Variants in ZFYVE27 observed in about 807,000 individuals in gnomAD.
The protein encoded by ZFYVE27 is protrudin.
ZFYVE27 carries 36 observed loss-of-function variants against 52.8 expected under a neutral mutation model. That is an observed-to-expected ratio of 0.68 (90% CI 0.52 to 0.90). The LOEUF is 0.90. Ranked by LOEUF, ZFYVE27 falls within the 40% of genes least tolerant of loss-of-function variation. The pLI is 0.00. For missense variants in ZFYVE27, 450 were observed against 527.2 expected, an observed-to-expected ratio of 0.85 and a Z score of 1.43; for synonymous variants, 223 against 215.6, an observed-to-expected ratio of 1.03 and a Z score of -0.30.
intron 2 of ZFYVE27, among the ~76,000 whole-genome samples, chr10:97,742,057 G>C (rs2043814485): frequency 1.3e-5 from 2 of 151,660 alleles, no homozygotes; most frequent in African/African-American, 4.9e-5. Flanking sequence ...TTGAACCCAG[G>C]AGGCGGGGGT....
At position 97,757,266 on chromosome 10, in the gene ZFYVE27, G is replaced by A. The variant is rs767356248; in HGVS notation, c.1044G>A (p.Gly348=). The change falls in exon 11 of 13, where the codon GGG becomes GGA. Residue 348 remains glycine, a splice_region_variant and synonymous_variant. Transcript: ENST00000684270. ...TGAGCTGCTGCCTCTGTTTCTCAGG[G>A]AACTGCACGGGCTGCTCGGCCACCT... ...LRKRYPTNNF[G]NCTGCSATFS... The A allele has an allele frequency of 1.9e-6, 3 of 1,614,158 alleles. No homozygotes were observed. The highest frequency in any genetic ancestry group is 2.5e-6 in the Non-Finnish European group (3 of 1,180,008).
At chr10:97,751,328 T>G (rs754337387) in intron 7 of ZFYVE27, 63 bp from the exon 8 acceptor site, 4 of 1,576,856 alleles carry the variant, frequency 2.5e-6, no homozygotes, top group Non-Finnish European at 3.5e-6. Flanking sequence ...GGGGAGGTGG[T>G]CCTCTGCCTT....
intron 10 of ZFYVE27, among the ~76,000 whole-genome samples, chr10:97,754,094 G>A (rs1452309135): frequency 6.6e-6 from 1 of 152,154 alleles, no homozygotes; most frequent in Non-Finnish European, 1.5e-5. Flanking sequence ...TGGGAGCAGG[G>A]TAAGGGGGCA....
In ZFYVE27 at chr10:97,750,329, A is replaced by G. The variant is rs1179210676; in HGVS notation, c.665-2A>G. ...CTACCTTGTTCTCCATTCCCTGGGT[A>G]GTTGTGTCTGAGTACAGGGCATCTC... On this transcript the variant is annotated splice_acceptor_variant, in intron 6 of 12. Coordinates refer to ENST00000684270, the MANE Select transcript of ZFYVE27 (RefSeq NM_001385875.1). LOFTEE classifies it high-confidence loss of function. 3 of 1,613,844 alleles carry G rather than the reference A, an allele frequency of 1.9e-6. No individual in the cohort carries two copies. The highest frequency in any genetic ancestry group is 2.5e-6 in the Non-Finnish European group (3 of 1,180,002).
chr10:97,748,319 C>T lies in ZFYVE27; in HGVS notation c.506C>T (p.Ala169Val). 6.2e-7 allele frequency: 1 copy of T among 1,614,120 alleles called. No homozygotes were observed. The highest frequency in any genetic ancestry group is 1.1e-5 in the South Asian group (1 of 91,084). The change falls in exon 5 of 13, where the codon GCC becomes GTC. Residue 169 changes from alanine to valine, a missense_variant. Ala to Val is a moderately conservative substitution (Grantham distance 64). Coordinates refer to ENST00000684270, the MANE Select transcript of ZFYVE27 (RefSeq NM_001385875.1). ...AGCCGCCTGTGCTGCACATGTGAAG[C>T]CGCCTACCGCGTGCTGCACTGGGAG... ...FLSRLCCTCE[A>V]AYRVLHWENP...
At chr10:97,744,697 C>T in intron 3 of ZFYVE27, 32 bp from the exon 4 acceptor site, 2 of 1,611,706 alleles carry the variant, frequency 1.2e-6, no homozygotes, top group Non-Finnish European at 1.7e-6. Context: ...CTTTGCTTAC[C>T]TGTGTTACCT....
At chr10:97,750,612 A>C in intron 7 of ZFYVE27, 142 bp downstream of exon 7, 1 of 1,122,270 alleles carries the variant, frequency 8.9e-7, no homozygotes. Context: ...GTTCAATAAT[A>C]ATAATTGTAA....
intron 7 of ZFYVE27, 51 bp downstream of exon 7, chr10:97,750,521 C>G (rs773930733): frequency 6.2e-7 from 1 of 1,609,878 alleles, no homozygotes; most frequent in South Asian, 1.1e-5. Context: ...GTGGGCCCCC[C>G]TGTTATCAGC....
intron 4 of ZFYVE27, among the ~76,000 whole-genome samples, chr10:97,745,673 G>A (rs2045103713): frequency 6.6e-6 from 1 of 152,200 alleles, no homozygotes; most frequent in African/African-American, 2.4e-5. Context: ...AGGTGGTTGT[G>A]AAGATTGAAC....
chr10:97,758,986 G>A (rs144294059), intron 12 of ZFYVE27, among the ~76,000 whole-genome samples: 3 of 152,122 alleles, frequency 2.0e-5, no homozygotes, highest in Non-Finnish European at 4.4e-5. Flanking sequence ...ATTTTTGAAG[G>A]TGTTCTGTTG....
chr10:97,744,889 C>A lies in ZFYVE27; in HGVS notation c.429C>A (p.Pro143=). ...TGCAGAGAGGTCGCCTGTCTCGTCC[C>A]GAGGCCGTGGCTGAGGTGAAGAGCT... ...EDLQRGRLSR[P]EAVAEVKSFL... The change falls in exon 4 of 13, where the codon CCC becomes CCA. Residue 143 remains proline (P), a synonymous_variant. Coordinates refer to ENST00000684270, the MANE Select transcript of ZFYVE27 (RefSeq NM_001385875.1). The A allele has an allele frequency of 6.3e-7, 1 of 1,596,148 alleles. No individual in the cohort carries two copies. The highest frequency in any genetic ancestry group is 2.3e-5 in the East Asian group (1 of 44,434).
At chr10:97,749,271 C>G (rs1016667442) in intron 5 of ZFYVE27, among the ~76,000 whole-genome samples, 2 of 152,220 alleles carry the variant, frequency 1.3e-5, no homozygotes, top group African/African-American at 4.8e-5. Context: ...TTTGGCCTCA[C>G]CAGCATCAGG....
Position 97,738,516 on chromosome 10 carries a change from G to A in ZFYVE27, c.39G>A (p.Leu13=), listed in dbSNP as rs756846519. The A allele has an allele frequency of 6.2e-7, 1 of 1,614,202 alleles. No homozygotes were observed. Among genetic ancestry groups the A allele is most frequent in the South Asian group, 1.1e-5 (1 of 91,084 alleles). The change falls in exon 2 of 13, where the codon CTG becomes CTA. Residue 13 remains leucine (L), a synonymous_variant. Coordinates refer to ENST00000684270, the MANE Select transcript of ZFYVE27 (RefSeq NM_001385875.1). The stretch of plus-strand genomic sequence containing the variant: ...AACGTGAGGGGAGTGGGCCGGAGCT[G>A]AGCCCCAGCGTGATGCCCGAGGCTC... ...TSEREGSGPE[L]SPSVMPEAPL... is the part of the protein sequence containing the mutation.
intron 2 of ZFYVE27, among the ~76,000 whole-genome samples, chr10:97,741,176 A>G (rs1401937799): frequency 1.3e-5 from 2 of 152,220 alleles, no homozygotes; most frequent in East Asian, 3.9e-4. Context: ...AGTGTACATT[A>G]GTTCAACCAT....
intron 10 of ZFYVE27, chr10:97,754,665 T>A (rs999630981): frequency 7.8e-7 from 1 of 1,288,934 alleles, no homozygotes; most frequent in African/African-American, 1.5e-5. Context: ...ATTCTGTATG[T>A]TCAGTGATCT....
At chr10:97,739,870 T>A (rs954476163) in intron 2 of ZFYVE27, among the ~76,000 whole-genome samples, 23 of 139,502 alleles carry the variant, frequency 1.6e-4, no homozygotes, top group African/African-American at 6.1e-4. Context: ...TGGATTTGAT[T>A]GAAGTTAGAA....
At chr10:97,738,380 C>A in intron 1 of ZFYVE27, 97 bp from the exon 2 acceptor site, 1 of 1,354,928 alleles carries the variant, frequency 7.4e-7, no homozygotes, top group Non-Finnish European at 1.1e-6. Flanking sequence ...CTTTCCCTTG[C>A]TCACAGGTTT....
intron 2 of ZFYVE27, among the ~76,000 whole-genome samples, chr10:97,741,324 G>T (rs1431912551): frequency 6.6e-6 from 1 of 152,162 alleles, no homozygotes; most frequent in Non-Finnish European, 1.5e-5. Context: ...TATGTTTGTT[G>T]CAGCACTATT....
Position 97,746,045 on chromosome 10 carries a change from ATATATATTT to A in ZFYVE27, c.455+1132_455+1140del, listed in dbSNP as rs1307564346. On this transcript the variant is annotated intron_variant, in intron 4 of 12. Transcript: ENST00000684270. ...TATATACACATATATATATATATATATATATATTTTTTTTTTTTTTTGAGACAGAGTCTT... is the reference window on the plus strand; with the variant it reads ...TATATACACATATATATATATATATATTTTTTTTTTTTGAGACAGAGTCTT... 9.6e-4 allele frequency among the ~76,000 whole-genome samples: 56 copies of A among 58,206 alleles called. 1 individual carries two copies. The highest frequency in any genetic ancestry group is 3.9e-3 in the African/African-American group (53 of 13,692). The allele number at this position is 58,206 out of a possible 152,430, so 38.2% of individuals were successfully genotyped here. A position where few individuals can be genotyped will look rare whatever the true frequency, so the allele number is the denominator to read the frequency against.
Sources: gnomAD v4.1 joint callset for allele counts (sites outside exome capture counted in the v4.1 genomes callset) on GRCh38, gnomAD v4.1.1 for gene constraint, MANE v1.5 for transcripts, NCBI Gene and HGNC (gene_info 2026-07-23, HGNC 2026-07-21) for gene names.